CSMD1: variants seen among roughly 807,000 people sequenced by gnomAD.
The protein encoded by CSMD1 is CUB and sushi domain-containing protein 1.
In CSMD1, 213 loss-of-function variants were observed where a neutral mutation model predicts 417.5. The ratio of observed to expected loss-of-function variants is 0.51; its 90% CI spans 0.46 to 0.57. The LOEUF is 0.57. CSMD1 is among the 20% of genes least tolerant of loss of function. The pLI is 0.00. For missense variants in CSMD1, 6,923 were observed against 4,529.7 expected (o/e 1.53, Z -15.17); for synonymous variants, 2,862 against 1,736.8 (o/e 1.65, Z -16.11).
chr8:3,155,389 A>G lies in CSMD1; in HGVS notation c.5914+2508T>C, dbSNP rs537909403. Among the ~76,000 whole-genome samples, 61 of 9,864 alleles carry G rather than the reference A, an allele frequency of 6.2e-3. No homozygotes were observed. In the East Asian group the frequency reaches 0.25, roughly 41 times the overall value. 6.5% of individuals were successfully genotyped at this position (9,864 alleles called of 152,430 possible). ...TTTTTTTTTTTTTTTTTTTTTTGAG[A>G]CAGAATCTCGCTCTGTCACCCAGGA... On this transcript the variant is annotated intron_variant, in intron 39 of 69. Coordinates refer to ENST00000635120, the MANE Select transcript of CSMD1 (RefSeq NM_033225.6).
At chr8:3,557,801 G>T (rs998981417) in intron 10 of CSMD1, among the ~76,000 whole-genome samples, 1 of 152,156 alleles carries the variant, frequency 6.6e-6, no homozygotes, top group East Asian at 1.9e-4. Context: ...GTCTTTGGTT[G>T]TTTCTAGGTT....
chr8:3,145,914 T>A (rs1818815641), intron 40 of CSMD1, among the ~76,000 whole-genome samples: 1 of 152,224 alleles, frequency 6.6e-6, no homozygotes, highest in Non-Finnish European at 1.5e-5. Flanking sequence ...CACAGAGAAT[T>A]TTTGCCTTTG....
chr8:4,318,574 T>TA (rs1318668400), intron 3 of CSMD1, among the ~76,000 whole-genome samples: 3 of 152,062 alleles, frequency 2.0e-5, no homozygotes, highest in Admixed American at 1.3e-4. Context: ...CTAAAAAGAA[T>TA]AAAAAACATG....
At chr8:4,013,018 T>A (rs1373948019) in intron 4 of CSMD1, among the ~76,000 whole-genome samples, 1 of 152,186 alleles carries the variant, frequency 6.6e-6, no homozygotes, top group East Asian at 1.9e-4. Context: ...GCAATGATTT[T>A]CTAATAGGTT....
At chr8:4,196,546 G>A (rs906073079) in intron 3 of CSMD1, among the ~76,000 whole-genome samples, 4 of 152,114 alleles carry the variant, frequency 2.6e-5, no homozygotes, top group Non-Finnish European at 1.5e-5. Flanking sequence ...TGTAAACTGT[G>A]AGTCATTCAT....
Position 4,688,545 on chromosome 8 carries a change from CTTAA to C in CSMD1, c.86-50991_86-50988del, listed in dbSNP as rs1189200450. Among the ~76,000 whole-genome samples the C allele has an allele frequency of 2.6e-5, 4 of 152,298 alleles. No individual in the cohort carries two copies. The South Asian group carries it at 8.3e-4, about 32-fold the overall frequency. On this transcript the variant is annotated intron_variant, in intron 1 of 69. Coordinates refer to ENST00000635120, the MANE Select transcript of CSMD1 (RefSeq NM_033225.6). The stretch of plus-strand genomic sequence containing the variant: ...CCAAGGAAAATTCTCCAAAATGGCT[CTTAA>C]TTAAATGGTCTCCCACTAAGCAGCA...
chr8:3,260,677 C>T (rs957401348), intron 26 of CSMD1, among the ~76,000 whole-genome samples: 6 of 151,892 alleles, frequency 4.0e-5, no homozygotes, highest in East Asian at 3.9e-4. Flanking sequence ...CAAAGTAATA[C>T]GTGGTTCTTG....
At chr8:4,246,750 G>T (rs1802739074) in intron 3 of CSMD1, among the ~76,000 whole-genome samples, 1 of 151,964 alleles carries the variant, frequency 6.6e-6, no homozygotes, top group Non-Finnish European at 1.5e-5. Flanking sequence ...TTTAAATAAA[G>T]AAAACAGGAT....
rs557707955 is a variant in CSMD1 at position 3,673,000 on chromosome 8, T to C, written c.1009+35414A>G. On this transcript the variant is annotated intron_variant, in intron 7 of 69. Coordinates refer to ENST00000635120, the MANE Select transcript of CSMD1 (RefSeq NM_033225.6). ...TTGTAAGTACTTGTGTTGTAACACA[T>C]ACCATGCTTTCCTTGTTTAAGGTTC... 3.9e-5 allele frequency among the ~76,000 whole-genome samples: 6 copies of C among 152,358 alleles called. No homozygotes were observed. In the South Asian group the frequency reaches 1.0e-3, roughly 26 times the overall value.
At chr8:4,272,799 T>TA (rs1449331457) in intron 3 of CSMD1, among the ~76,000 whole-genome samples, 3 of 152,204 alleles carry the variant, frequency 2.0e-5, no homozygotes, top group African/African-American at 7.2e-5. Flanking sequence ...ACCTTTACTC[T>TA]AACTCACCAC....
intron 1 of CSMD1, among the ~76,000 whole-genome samples, chr8:4,957,148 T>C (rs1207875694): frequency 6.6e-6 from 1 of 152,176 alleles, no homozygotes; most frequent in Non-Finnish European, 1.5e-5. Flanking sequence ...ATCTGGCAAT[T>C]AGGTAAAAAC....
intron 2 of CSMD1, among the ~76,000 whole-genome samples, chr8:4,581,321 A>C (rs1239547775): frequency 1.3e-5 from 2 of 152,202 alleles, no homozygotes; most frequent in African/African-American, 4.8e-5. Flanking sequence ...GAATTATTTT[A>C]AGTTGAATAT....
chr8:3,183,922 GT>G (rs1410691732), intron 36 of CSMD1, among the ~76,000 whole-genome samples: 2 of 152,116 alleles, frequency 1.3e-5, no homozygotes, highest in East Asian at 3.8e-4. Context: ...CTTCCAACTT[GT>G]TTTTTTGAGC....
At chr8:4,679,258 G>A (rs909815301) in intron 1 of CSMD1, among the ~76,000 whole-genome samples, 4 of 152,268 alleles carry the variant, frequency 2.6e-5, no homozygotes, top group East Asian at 1.9e-4. Context: ...AGCTGCTGAC[G>A]TGAACACCCG....
At chr8:4,149,869 T>C (rs1273953960) in intron 3 of CSMD1, among the ~76,000 whole-genome samples, 1 of 152,226 alleles carries the variant, frequency 6.6e-6, no homozygotes, top group Non-Finnish European at 1.5e-5. Context: ...AATGATTATT[T>C]GTAAGCTGAC....
chr8:4,788,453 G>T, intron 1 of CSMD1: 1 of 1,325,596 alleles, frequency 7.5e-7, no homozygotes, highest in South Asian at 1.2e-5. Flanking sequence ...TTCTCCAGAA[G>T]GATCAGCTCA....
chr8:4,032,832 C>G (rs1334111501), intron 3 of CSMD1, among the ~76,000 whole-genome samples: 2 of 152,136 alleles, frequency 1.3e-5, no homozygotes, highest in Non-Finnish European at 2.9e-5. Flanking sequence ...ATGGACACAT[C>G]CTCTCAGCCA....
intron 2 of CSMD1, among the ~76,000 whole-genome samples, chr8:4,496,953 A>C (rs555947902): frequency 4.0e-4 from 61 of 152,308 alleles, no homozygotes; most frequent in African/African-American, 1.4e-3. Context: ...GAAGCAAACT[A>C]ATAGCTTACA....
At chr8:4,807,222 C>A (rs910936566) in intron 1 of CSMD1, among the ~76,000 whole-genome samples, 1 of 152,134 alleles carries the variant, frequency 6.6e-6, no homozygotes, top group Admixed American at 6.5e-5. Context: ...CACCACTCAC[C>A]CGGGGGTTCG....
Sources: allele counts gnomAD v4.1 joint callset (sites outside exome capture counted in the v4.1 genomes callset), GRCh38; gene constraint gnomAD v4.1.1; transcripts MANE v1.5; gene names NCBI Gene and HGNC (gene_info 2026-07-23, HGNC 2026-07-21).